The following ZNF12 variants were observed in gnomAD, a reference collection of about 807,000 sequenced individuals.
ZNF12 encodes gonadotropin inducible transcription repressor 3.
In ZNF12, 34 loss-of-function variants were observed where a neutral mutation model predicts 66.6. The observed-to-expected ratio is 0.51, with a 90% CI of 0.39 to 0.68. The LOEUF is 0.68. ZNF12 is among the 30% of genes least tolerant of loss of function. The pLI is 0.00. For synonymous variants in ZNF12, 320 were observed against 278.9 expected (o/e 1.15, Z -1.47); for missense variants, 697 against 826.9 (o/e 0.84, Z 1.93).
rs1439506989 is a variant in ZNF12 at position 6,692,320 on chromosome 7, G to A, written c.622C>T (p.Gln208Ter). 1 of 1,609,678 alleles carries A rather than the reference G, an allele frequency of 6.2e-7. No homozygotes were observed. The highest frequency in any genetic ancestry group is 8.5e-7 in the Non-Finnish European group (1 of 1,178,350). Residue 208 changes from glutamine to a stop codon, truncating the protein, a stop_gained, in exon 5 of 5, where the codon CAG (glutamine) becomes TAG (stop). Transcript: ENST00000405858. LOFTEE classifies it high-confidence loss of function. The surrounding 1 kb of genome is among the most constrained non-coding windows in gnomAD (Gnocchi z 5.1). Reference sequence around the variant, plus strand: ...GGTTTCTCCAAAATACGAATTTTCTGATAAAGACTTTCTTCATTTAGAGTA... The same window carrying A: ...GGTTTCTCCAAAATACGAATTTTCTAATAAAGACTTTCTTCATTTAGAGTA... ...PYTLNEESLY[Q>*]KIRILEKPFE...
rs1301723811 is a variant in ZNF12, at chr7:6,689,623, A to C, written c.*1225T>G. On this transcript the variant is annotated 3_prime_UTR_variant, in exon 5 of 5. Coordinates refer to ENST00000405858, the MANE Select transcript of ZNF12 (RefSeq NM_016265.4). The stretch of plus-strand genomic sequence containing the variant: ...AATGTCTGCCACAGACCCTTGTTAG[A>C]ATGTGTTCTTAATTCATTAACAGGA... The C allele has an allele frequency of 6.6e-6, 1 of 152,640 alleles. No individual in the cohort carries two copies. The highest frequency in any genetic ancestry group is 6.5e-5 in the Admixed American group (1 of 15,276). The allele number at this position is 152,640 out of a possible 1,614,324, so 9.5% of individuals were successfully genotyped here.
chr7:6,694,166 CAA>C (rs753121327), intron 4 of ZNF12, among the ~76,000 whole-genome samples: 2 of 139,448 alleles, frequency 1.4e-5, no homozygotes, highest in Non-Finnish European at 1.6e-5. Flanking sequence ...GAATCTGTCT[CAA>C]AAAAAAAAAC....
intron 2 of ZNF12, chr7:6,704,046 G>C (rs1218943165): frequency 6.6e-6 from 1 of 152,190 alleles, no homozygotes; most frequent in Admixed American, 6.5e-5. Context: ...TAGGGAGGCG[G>C]CTTGGCATGG....
intron 2 of ZNF12, among the ~76,000 whole-genome samples, chr7:6,701,227 C>T (rs1382259623): frequency 1.3e-5 from 2 of 152,196 alleles, no homozygotes; most frequent in African/African-American, 4.8e-5. Context: ...CATGATCTCC[C>T]ATAATTACAT....
rs553235942 is a variant in ZNF12 at position 6,692,963 on chromosome 7, G to A, written c.239-260C>T. ...AACTGACAAAAACACATGCACTTTTGATCTACTTTATATTTTGTTCAAAAC... is the reference window on the plus strand; with the variant it reads ...AACTGACAAAAACACATGCACTTTTAATCTACTTTATATTTTGTTCAAAAC... On this transcript the variant is annotated intron_variant, in intron 4 of 4. Transcript: ENST00000405858. The surrounding 1 kb of genome is among the most constrained non-coding windows in gnomAD (Gnocchi z 5.1). Among the ~76,000 whole-genome samples, 2 of 152,186 alleles carry A rather than the reference G, an allele frequency of 1.3e-5. No homozygotes were observed. The highest frequency in any genetic ancestry group is 1.3e-4 in the Admixed American group (2 of 15,278).
rs372458382 is a variant in ZNF12, at chr7:6,697,600, C to T, written c.142+85G>A. 95 of 1,587,460 alleles carry T rather than the reference C, an allele frequency of 6.0e-5. No individual in the cohort carries two copies. Among genetic ancestry groups the T allele is most frequent in the African/African-American group, 5.9e-4 (44 of 74,506 alleles). On this transcript the variant is annotated intron_variant, in intron 3 of 4. Transcript: ENST00000405858. This position sits in a 1 kb window ranked among gnomAD's most constrained non-coding sequence, Gnocchi z 6.1. ...TGCCCAAAAACAGATTACTCACATT[C>T]GTCCCATCAAATTTTAAGTTAAAGT... is the stretch of plus-strand genomic sequence containing the variant.
rs755615401 is a variant in ZNF12, at chr7:6,693,894, G to A, written c.239-1191C>T. ...TTACAAATCAGATCCCTGGCCGGGC[G>A]TGGTAGCTCACGCCTGTAATCCCAG... On this transcript the variant is annotated intron_variant, in intron 4 of 4. Transcript: ENST00000405858. Among the ~76,000 whole-genome samples, 190 of 152,162 alleles carry A rather than the reference G, an allele frequency of 1.2e-3. 11 individuals carry two copies. Among genetic ancestry groups the A allele is most frequent in the South Asian group, 8.3e-4 (4 of 4,822 alleles).
chr7:6,692,888 C>T lies in ZNF12; in HGVS notation c.239-185G>A, dbSNP rs1171055053. 6.7e-6 allele frequency among the ~76,000 whole-genome samples: 1 copy of T among 149,768 alleles called. No homozygotes were observed. Among genetic ancestry groups the T allele is most frequent in the Non-Finnish European group, 1.5e-5 (1 of 67,296 alleles). ...TTGCTTAAAATTACACACACACAAA[C>T]ACACACACACACACACATCCCCCTC... On this transcript the variant is annotated intron_variant, in intron 4 of 4. Coordinates refer to ENST00000405858, the MANE Select transcript of ZNF12 (RefSeq NM_016265.4). The surrounding 1 kb of genome is among the most constrained non-coding windows in gnomAD (Gnocchi z 5.1).
At position 6,690,976 on chromosome 7, in the gene ZNF12, A is replaced by C. The variant is rs915821969; in HGVS notation, c.1966T>G (p.Ser656Ala). The change falls in exon 5 of 5, where the codon TCA becomes GCA. Residue 656 changes from serine to alanine, a missense_variant. Coordinates refer to ENST00000405858, the MANE Select transcript of ZNF12 (RefSeq NM_016265.4). ...SYLTVHYRTH[S>A]GEKPYECTEC... is the part of the protein sequence containing the mutation. ...GTACACTCATAGGGTTTCTCTCCTG[A>C]ATGAGTTCTATAATGTACAGTGAGG... 11 of 1,614,104 alleles carry C rather than the reference A, an allele frequency of 6.8e-6. No individual in the cohort carries two copies. The highest frequency in any genetic ancestry group is 8.5e-6 in the Non-Finnish European group (10 of 1,179,984).
At chr7:6,704,639 C>G (rs1304982952) in intron 2 of ZNF12, among the ~76,000 whole-genome samples, 1 of 136,026 alleles carries the variant, frequency 7.4e-6, no homozygotes, top group Non-Finnish European at 1.5e-5. Flanking sequence ...ACTCCAGAGG[C>G]TGAGGCAGGA....
In ZNF12 at chr7:6,698,159, A is replaced by G; in HGVS notation, c.16-348T>C. On this transcript the variant is annotated intron_variant, in intron 2 of 4. Coordinates refer to ENST00000405858, the MANE Select transcript of ZNF12 (RefSeq NM_016265.4). This position sits in a 1 kb window ranked among gnomAD's most constrained non-coding sequence, Gnocchi z 4.4. ...CAGGATGCACTCTGCTTCTTTGCAC[A>G]TTCTTCAATTTGCTTCTAGAACATT... 2.2e-6 allele frequency: 1 copy of G among 461,026 alleles called. No individual in the cohort carries two copies. The highest frequency in any genetic ancestry group is 4.2e-6 in the Non-Finnish European group (1 of 240,180). The allele number at this position is 461,026 out of a possible 1,614,324, so 28.6% of individuals were successfully genotyped here.
intron 4 of ZNF12, among the ~76,000 whole-genome samples, chr7:6,693,406 G>T (rs990158801): frequency 4.6e-5 from 7 of 152,178 alleles, no homozygotes; most frequent in African/African-American, 1.7e-4. Flanking sequence ...TATCCTACAG[G>T]AAATATAAAA....
Position 6,705,272 on chromosome 7 carries a change from C to A in ZNF12, c.-50-49G>T. 1 of 1,465,570 alleles carries A rather than the reference C, an allele frequency of 6.8e-7. No individual in the cohort carries two copies. Among genetic ancestry groups the A allele is most frequent in the South Asian group, 1.2e-5 (1 of 85,158 alleles). The allele number at this position is 1,465,570 out of a possible 1,614,324, so 90.8% of individuals were successfully genotyped here. A position where few individuals can be genotyped will look rare whatever the true frequency, so the allele number is the denominator to read the frequency against. On this transcript the variant is annotated intron_variant, in intron 1 of 4. Transcript: ENST00000405858. This position sits in a 1 kb window ranked among gnomAD's most constrained non-coding sequence, Gnocchi z 4.0. ...TGGCGTTATGAGCGGTCTGGCCTGC[C>A]AAGGCGGTCATCTCCCGCCCAAAAC... is the stretch of plus-strand genomic sequence containing the variant.
chr7:6,701,143 G>A (rs1268476248), intron 2 of ZNF12, among the ~76,000 whole-genome samples: 2 of 152,114 alleles, frequency 1.3e-5, no homozygotes, highest in East Asian at 1.9e-4. Context: ...ATGCCCGGCT[G>A]AGGATGCATT....
chr7:6,691,602 GAGA>G lies in ZNF12; in HGVS notation c.1337_1339del (p.Phe446del). On this transcript the variant is annotated inframe_deletion, in exon 5 of 5. Coordinates refer to ENST00000405858, the MANE Select transcript of ZNF12 (RefSeq NM_016265.4). ...ATGTACAGTGAGATATGACAACCGA[GAGA>G]AGAATTTTCCACACTCATTACATTC... The G allele has an allele frequency of 1.2e-6, 2 of 1,613,976 alleles. No homozygotes were observed. Among genetic ancestry groups the G allele is most frequent in the Non-Finnish European group, 8.5e-7 (1 of 1,179,938 alleles).
rs878919414 is a variant in ZNF12, at chr7:6,705,177, C to T, written c.-4G>A. 1 of 1,613,490 alleles carries T rather than the reference C, an allele frequency of 6.2e-7. No individual in the cohort carries two copies. Among genetic ancestry groups the T allele is most frequent in the Non-Finnish European group, 8.5e-7 (1 of 1,179,706 alleles). On this transcript the variant is annotated 5_prime_UTR_variant, in exon 2 of 5. Transcript: ENST00000405858. This position sits in a 1 kb window ranked among gnomAD's most constrained non-coding sequence, Gnocchi z 4.0. ...CACTCACCAGGGATTTATTCATTTT[C>T]TGCTGCTCTTGGAAAAATCTGGAGG...
chr7:6,706,469 G>T lies in ZNF12; in HGVS notation c.-88C>A, dbSNP rs773930016. ...CCGCAGCCTCTGCCCCACCGCTCCC[G>T]ACAGGCCGGGGCGGGATTGCTGTCG... On this transcript the variant is annotated 5_prime_UTR_variant, in exon 1 of 5. Coordinates refer to ENST00000405858, the MANE Select transcript of ZNF12 (RefSeq NM_016265.4). The T allele has an allele frequency of 3.7e-4, 177 of 477,554 alleles. No individual in the cohort carries two copies. The highest frequency in any genetic ancestry group is 6.7e-4 in the Non-Finnish European group (162 of 240,036). 29.6% of individuals were successfully genotyped at this position (477,554 alleles called of 1,614,324 possible).
intron 4 of ZNF12, among the ~76,000 whole-genome samples, chr7:6,695,491 C>T (rs946637894): frequency 1.8e-4 from 28 of 152,064 alleles, no homozygotes; most frequent in African/African-American, 6.5e-4. Context: ...AGGTGTGAGC[C>T]ACCACATTTG....
In ZNF12 at chr7:6,696,458, C is replaced by G. The variant is rs529545934; in HGVS notation, c.238+881G>C. On this transcript the variant is annotated intron_variant, in intron 4 of 4. Coordinates refer to ENST00000405858, the MANE Select transcript of ZNF12 (RefSeq NM_016265.4). This position sits in a 1 kb window ranked among gnomAD's most constrained non-coding sequence, Gnocchi z 4.0. ...AACTGGTATCACAGAAAATACCAGA[C>G]TAGAGCCCAGGCTCAATGGTGGTAG... 1.8e-4 allele frequency among the ~76,000 whole-genome samples: 27 copies of G among 152,276 alleles called. No homozygotes were observed. In the South Asian group the frequency reaches 5.6e-3, roughly 32 times the overall value.
Sources: allele counts gnomAD v4.1 joint callset (sites outside exome capture counted in the v4.1 genomes callset), GRCh38; gene constraint gnomAD v4.1.1; non-coding constraint Gnocchi (gnomAD v3.1); transcripts MANE v1.5; gene names NCBI Gene and HGNC (gene_info 2026-07-23, HGNC 2026-07-21).